Variants in GALNT13 observed in about 807,000 individuals in gnomAD.
The protein encoded by GALNT13 is polypeptide N-acetylgalactosaminyltransferase 13, also known as UDP-GalNAc:polypeptide N-acetylgalactosaminyltransferase 13.
Under a neutral mutation model 64.2 loss-of-function variants are expected in GALNT13, and 28 were observed. The observed-to-expected ratio is 0.44, with a 90% CI of 0.32 to 0.60. GALNT13 has a LOEUF of 0.60. GALNT13 is among the 20% of genes least tolerant of loss of function. GALNT13 has a pLI of 0.05. For missense variants in GALNT13, 577 were observed against 669.8 expected (o/e 0.86, Z 1.53); for synonymous variants, 214 against 224.6 (o/e 0.95, Z 0.42).
chr2:153,799,054 T>C, the GALNT13 span, among the ~76,000 whole-genome samples: 1 of 152,268 alleles, frequency 6.6e-6, no homozygotes, highest in African/African-American at 2.4e-5. Context: ...GGAGATGAAA[T>C]GCAAGCTCAC....
At chr2:154,317,016 C>T (rs1430199168) in intron 9 of GALNT13, among the ~76,000 whole-genome samples, 2 of 152,062 alleles carry the variant, frequency 1.3e-5, no homozygotes, top group African/African-American at 2.4e-5. Flanking sequence ...AATTCAAGAG[C>T]AGCCTGGCCA....
the GALNT13 span, among the ~76,000 whole-genome samples, chr2:153,236,513 C>T: frequency 1.3e-5 from 2 of 152,034 alleles, no homozygotes; most frequent in East Asian, 3.9e-4. Flanking sequence ...TTACCATTCC[C>T]CAAATCCGAG....
At chr2:153,707,099 T>C in the GALNT13 span, among the ~76,000 whole-genome samples, 2 of 152,158 alleles carry the variant, frequency 1.3e-5, no homozygotes, top group Non-Finnish European at 2.9e-5. Context: ...AGATATGACT[T>C]GCTCCTCCTT....
chr2:153,823,219 A>G, the GALNT13 span, among the ~76,000 whole-genome samples: 1 of 152,238 alleles, frequency 6.6e-6, no homozygotes, highest in Non-Finnish European at 1.5e-5. Context: ...ATACAGATTC[A>G]AAGCTATTCC....
the GALNT13 span, among the ~76,000 whole-genome samples, chr2:153,628,664 A>G: frequency 3.9e-5 from 6 of 152,284 alleles, no homozygotes; most frequent in East Asian, 1.9e-4. Context: ...ATTTGCGTAT[A>G]TTGAACCAGC....
chr2:153,518,686 A>G, the GALNT13 span, among the ~76,000 whole-genome samples: 1,582 of 152,304 alleles, frequency 0.01, 23 homozygotes, highest in African/African-American at 0.035. Context: ...AACTAAAACT[A>G]GAAGTTACTG....
At chr2:154,385,813 T>C (rs1200141197) in intron 9 of GALNT13, among the ~76,000 whole-genome samples, 3 of 152,020 alleles carry the variant, frequency 2.0e-5, no homozygotes, top group African/African-American at 4.8e-5. Flanking sequence ...TAAATTCTTA[T>C]GATACATGGG....
At chr2:153,425,082 A>T in the GALNT13 span, among the ~76,000 whole-genome samples, 1 of 151,828 alleles carries the variant, frequency 6.6e-6, no homozygotes, top group Non-Finnish European at 1.5e-5. Flanking sequence ...ATTGCAGTGG[A>T]TATATTTATG....
the GALNT13 span, among the ~76,000 whole-genome samples, chr2:153,505,111 G>T: frequency 2.0e-5 from 3 of 152,240 alleles, no homozygotes; most frequent in East Asian, 5.8e-4. Flanking sequence ...ATCTAGGAGG[G>T]TTGTATATTT....
the GALNT13 span, among the ~76,000 whole-genome samples, chr2:153,866,486 T>C: frequency 3.9e-5 from 6 of 152,116 alleles, no homozygotes; most frequent in African/African-American, 1.2e-4. Context: ...CAAATCACCG[T>C]CATGGAAAAA....
chr2:154,023,741 T>C (rs563878773), intron 3 of GALNT13, among the ~76,000 whole-genome samples: 126 of 152,334 alleles, frequency 8.3e-4, no homozygotes, highest in Non-Finnish European at 1.4e-3. Context: ...GTCATTATGA[T>C]GTTAGCTGGT....
the GALNT13 span, among the ~76,000 whole-genome samples, chr2:153,751,180 T>C: frequency 1.3e-5 from 2 of 152,036 alleles, no homozygotes; most frequent in Admixed American, 6.6e-5. Context: ...AAATGCCTGA[T>C]ATTATTTCAA....
the GALNT13 span, among the ~76,000 whole-genome samples, chr2:153,090,918 C>A: frequency 2.0e-5 from 3 of 152,092 alleles, no homozygotes; most frequent in African/African-American, 7.2e-5. Flanking sequence ...TAGCAAGAGG[C>A]CTCACCCAGG....
chr2:153,837,414 T>G, the GALNT13 span, among the ~76,000 whole-genome samples: 2 of 152,244 alleles, frequency 1.3e-5, no homozygotes, highest in African/African-American at 4.8e-5. Flanking sequence ...ATTAGCCCTT[T>G]GTCAGATACT....
At chr2:153,177,779 T>C in the GALNT13 span, among the ~76,000 whole-genome samples, 1 of 152,190 alleles carries the variant, frequency 6.6e-6, no homozygotes, top group African/African-American at 2.4e-5. Flanking sequence ...TATTATTTAC[T>C]ATATTGATTA....
At chr2:154,075,591 C>T (rs573553370) in intron 3 of GALNT13, among the ~76,000 whole-genome samples, 1 of 151,824 alleles carries the variant, frequency 6.6e-6, no homozygotes, top group Non-Finnish European at 1.5e-5. Flanking sequence ...AATGATGTAG[C>T]AATGTACACT....
chr2:154,187,372 ACAC>A (rs1686312471), intron 4 of GALNT13, among the ~76,000 whole-genome samples: 1 of 13,648 alleles, frequency 7.3e-5, no homozygotes, highest in Non-Finnish European at 2.5e-4. Context: ...AGGAGAAAAC[ACAC>A]ACACACACAC....
chr2:154,216,865 A>G (rs554639398), intron 4 of GALNT13, among the ~76,000 whole-genome samples: 1 of 127,408 alleles, frequency 7.8e-6, no homozygotes, highest in Non-Finnish European at 1.5e-5. Context: ...GCACAAGTGC[A>G]GTGGCATGAT....
At chr2:154,005,959 A>G (rs1696221481) in intron 3 of GALNT13, among the ~76,000 whole-genome samples, 1 of 152,180 alleles carries the variant, frequency 6.6e-6, no homozygotes, top group Non-Finnish European at 1.5e-5. Context: ...TAGCCCTGTG[A>G]TGGATGATAA....
Sources: gnomAD v4.1 joint callset for allele counts (sites outside exome capture counted in the v4.1 genomes callset) on GRCh38, gnomAD v4.1.1 for gene constraint, MANE v1.5 for transcripts, NCBI Gene and HGNC (gene_info 2026-07-23, HGNC 2026-07-21) for gene names.